The following TRHDE variants were observed in gnomAD, a reference collection of about 807,000 sequenced individuals.
TRHDE encodes thyrotropin-releasing hormone-degrading ectoenzyme.
TRHDE carries 72 observed loss-of-function variants against 125.7 expected under a neutral mutation model. The observed-to-expected ratio is 0.57, with a 90% CI of 0.47 to 0.70. The LOEUF (loss-of-function observed/expected upper bound fraction) is 0.70. TRHDE is among the 30% of genes least tolerant of loss of function. The pLI, the probability that TRHDE is intolerant of heterozygous loss-of-function variation, is 0.00. For synonymous variants in TRHDE, 509 were observed against 509.1 expected (o/e 1.00, Z 0.00); for missense variants, 1,110 against 1,327.1 (o/e 0.84, Z 2.54).
At chr12:72,091,148 A>G (rs1459153741) in intron 1 of TRHDE, among the ~76,000 whole-genome samples, 1 of 152,156 alleles carries the variant, frequency 6.6e-6, no homozygotes, top group Admixed American at 6.5e-5. Context: ...AGCTGAGATT[A>G]CAGATGAAAG....
chr12:72,561,190 G>C (rs1252666273), intron 7 of TRHDE, among the ~76,000 whole-genome samples: 1 of 152,162 alleles, frequency 6.6e-6, no homozygotes, highest in Non-Finnish European at 1.5e-5. Context: ...CCTGTCACAG[G>C]TGTTACAATT....
intron 2 of TRHDE, chr12:72,254,393 C>T (rs1321581327): frequency 6.6e-6 from 1 of 152,158 alleles, no homozygotes; most frequent in East Asian, 1.9e-4. Flanking sequence ...TCTCCAACTA[C>T]TCCAGGCCTG....
At chr12:72,526,466 G>A (rs976185903) in intron 6 of TRHDE, among the ~76,000 whole-genome samples, 1 of 152,118 alleles carries the variant, frequency 6.6e-6, no homozygotes, top group African/African-American at 2.4e-5. Flanking sequence ...GATATTTTAT[G>A]TTGTTGGGAT....
chr12:72,517,945 T>C (rs1878965602), intron 6 of TRHDE, among the ~76,000 whole-genome samples: 1 of 151,950 alleles, frequency 6.6e-6, no homozygotes, highest in African/African-American at 2.4e-5. Flanking sequence ...TTCCATGTAA[T>C]TGAGCGGTTT....
chr12:72,099,693 A>G (rs914667453), intron 1 of TRHDE, among the ~76,000 whole-genome samples: 15 of 152,182 alleles, frequency 9.9e-5, no homozygotes, highest in Admixed American at 9.2e-4. Context: ...TTTTTAGGTT[A>G]ATATTTATGT....
At chr12:72,459,159 A>G (rs977661753) in intron 3 of TRHDE, among the ~76,000 whole-genome samples, 6 of 152,120 alleles carry the variant, frequency 3.9e-5, no homozygotes, top group African/African-American at 1.4e-4. Flanking sequence ...GAATCTTTCT[A>G]ACATTTCCTC....
chr12:72,263,684 A>G (rs1255058039), intron 2 of TRHDE: 1 of 152,116 alleles, frequency 6.6e-6, no homozygotes, highest in Non-Finnish European at 1.5e-5. Context: ...TCACTCATTA[A>G]GAATAACTAG....
At chr12:72,597,420 C>G (rs1179093805) in intron 12 of TRHDE, among the ~76,000 whole-genome samples, 1 of 151,870 alleles carries the variant, frequency 6.6e-6, no homozygotes, top group Non-Finnish European at 1.5e-5. Flanking sequence ...GTGATCCCAG[C>G]ACTTTGGGAG....
At chr12:72,597,430 G>A (rs2136054564) in intron 12 of TRHDE, among the ~76,000 whole-genome samples, 1 of 152,064 alleles carries the variant, frequency 6.6e-6, no homozygotes, top group Non-Finnish European at 1.5e-5. Flanking sequence ...CACTTTGGGA[G>A]GCTGAGGCAG....
intron 1 of TRHDE, among the ~76,000 whole-genome samples, chr12:72,087,890 G>A (rs958219122): frequency 5.3e-5 from 8 of 152,132 alleles, no homozygotes; most frequent in Admixed American, 2.0e-4. Flanking sequence ...AGGTGTAGGA[G>A]AACAGGAGGA....
intron 2 of TRHDE, among the ~76,000 whole-genome samples, chr12:72,156,708 G>A (rs1195549476): frequency 6.6e-6 from 1 of 152,148 alleles, no homozygotes; most frequent in African/African-American, 2.4e-5. Flanking sequence ...TGCTATTTGA[G>A]GAATTTAAGT....
intron 7 of TRHDE, chr12:72,560,850 A>G (rs1870143379): frequency 6.6e-6 from 1 of 152,112 alleles, no homozygotes; most frequent in Middle Eastern, 3.2e-3. Flanking sequence ...AAAATAAAAT[A>G]AAATGCACAT....
At chr12:72,425,829 T>G (rs962444997) in intron 3 of TRHDE, among the ~76,000 whole-genome samples, 10 of 152,238 alleles carry the variant, frequency 6.6e-5, no homozygotes, top group African/African-American at 2.4e-4. Context: ...TAAACCATAC[T>G]CAGTGTTGTA....
In TRHDE at chr12:72,272,651, T is replaced by G; in HGVS notation, c.8T>G (p.Leu3Arg). Residue 3 changes from leucine to arginine, a missense_variant, in exon 1 of 19, where the codon CTG (leucine) becomes CGG (arginine). Around this residue, in one of 5 missense-constraint regions of TRHDE, gnomAD observed 248 missense variants for 240.8 expected, o/e 1.03. Transcript: ENST00000261180. This position sits in a 1 kb window ranked among gnomAD's most constrained non-coding sequence, Gnocchi z 6.7. MALDGELGEQEEE... is the reference protein window; with the variant it reads MARDGELGEQEEE... ...GGAGGAGGAGGCGGTGTGATGGCCC[T>G]GGACGGCGAGCTGGGGGAGCAAGAG... 1.7e-6 allele frequency: 2 copies of G among 1,183,160 alleles called. No homozygotes were observed. Among genetic ancestry groups the G allele is most frequent in the South Asian group, 1.7e-5 (1 of 60,332 alleles). 73.3% of individuals were successfully genotyped at this position (1,183,160 alleles called of 1,614,324 possible). A position where few individuals can be genotyped will look rare whatever the true frequency, so the allele number is the denominator to read the frequency against.
At chr12:72,366,469 T>C (rs1871342584) in intron 2 of TRHDE, among the ~76,000 whole-genome samples, 1 of 152,082 alleles carries the variant, frequency 6.6e-6, no homozygotes, top group Non-Finnish European at 1.5e-5. Context: ...ATAGCAGCGT[T>C]TTAGTACTAG....
At chr12:72,123,407 A>C (rs1875638055) in intron 2 of TRHDE, among the ~76,000 whole-genome samples, 1 of 152,020 alleles carries the variant, frequency 6.6e-6, no homozygotes, top group African/African-American at 2.4e-5. Flanking sequence ...AATTTGAAAA[A>C]CTCAGAGAAG....
intron 5 of TRHDE, among the ~76,000 whole-genome samples, chr12:72,479,983 G>A (rs1877089577): frequency 6.6e-6 from 1 of 151,492 alleles, no homozygotes; most frequent in South Asian, 2.1e-4. Context: ...CCCTACAAAG[G>A]ACATGAACTC....
intron 5 of TRHDE, among the ~76,000 whole-genome samples, chr12:72,476,498 T>C (rs1225537287): frequency 6.6e-6 from 1 of 152,202 alleles, no homozygotes; most frequent in East Asian, 1.9e-4. Flanking sequence ...GTAATGGCTG[T>C]GTCAGCAGTA....
At chr12:72,182,812 T>C (rs1351566017) in intron 2 of TRHDE, among the ~76,000 whole-genome samples, 3 of 152,178 alleles carry the variant, frequency 2.0e-5, no homozygotes, top group Non-Finnish European at 4.4e-5. Context: ...AAAGAGAAGA[T>C]ACACTTCCTT....
Sources: allele counts gnomAD v4.1 joint callset (sites outside exome capture counted in the v4.1 genomes callset), GRCh38; gene constraint gnomAD v4.1.1; regional missense constraint gnomAD v4.1.1; non-coding constraint Gnocchi (gnomAD v3.1); transcripts MANE v1.5; gene names NCBI Gene and HGNC (gene_info 2026-07-23, HGNC 2026-07-21).